KIRREL3: variants seen among roughly 807,000 people sequenced by gnomAD.
The protein encoded by KIRREL3 is kirre like nephrin family adhesion molecule 3.
In KIRREL3, 36 loss-of-function variants were observed where a neutral mutation model predicts 89.7. The observed-to-expected ratio is 0.40, with a 90% CI of 0.31 to 0.53. The LOEUF is 0.53. Ranked by LOEUF, KIRREL3 falls within the 20% of genes least tolerant of loss-of-function variation. KIRREL3 has a pLI of 0.49. For missense variants in KIRREL3, 864 were observed against 1,056.6 expected, an observed-to-expected ratio of 0.82 and a Z score of 2.53; for synonymous variants, 445 against 441.4, an observed-to-expected ratio of 1.01 and a Z score of -0.10.
intron 1 of KIRREL3, among the ~76,000 whole-genome samples, chr11:126,581,954 C>G (rs55895410): frequency 0.2 from 30,534 of 152,138 alleles, 3,865 homozygotes; most frequent in South Asian, 0.41. Context: ...CCTAGTTACA[C>G]AAGGGCATGT....
intron 1 of KIRREL3, among the ~76,000 whole-genome samples, chr11:126,923,248 T>C (rs868458415): frequency 2.2e-4 from 14 of 64,622 alleles, no homozygotes; most frequent in Non-Finnish European, 3.0e-4. Flanking sequence ...TTCTTCTTCT[T>C]CTTCTTCTTC....
Position 126,990,426 on chromosome 11 carries a change from C to G in KIRREL3, c.55+10029G>C, listed in dbSNP as rs1432556804. ...CACCACCCAGAGGCGAGGAGGAGAG[C>G]CCCCCATCCCTCCCGTCCCTTCCCA... On this transcript the variant is annotated intron_variant, in intron 1 of 16. Coordinates refer to ENST00000525144, the MANE Select transcript of KIRREL3 (RefSeq NM_032531.4). The surrounding 1 kb of genome is among the most constrained non-coding windows in gnomAD (Gnocchi z 6.3). Among the ~76,000 whole-genome samples, 1 of 150,322 alleles carries G rather than the reference C, an allele frequency of 6.7e-6. No homozygotes were observed. Among genetic ancestry groups the G allele is most frequent in the African/African-American group, 2.5e-5 (1 of 40,150 alleles).
At chr11:126,559,214 G>T (rs1163226521) in intron 2 of KIRREL3, among the ~76,000 whole-genome samples, 2 of 152,192 alleles carry the variant, frequency 1.3e-5, no homozygotes, top group Admixed American at 1.3e-4. Context: ...ACCCAAAACA[G>T]GGAGACCATT....
At chr11:126,886,060 C>T (rs1945683615) in intron 1 of KIRREL3, among the ~76,000 whole-genome samples, 1 of 152,200 alleles carries the variant, frequency 6.6e-6, no homozygotes, top group Non-Finnish European at 1.5e-5. Context: ...CTCTTTTCCA[C>T]TCTTTTCTCT....
In KIRREL3 at chr11:126,563,203, C is replaced by T. The variant is rs1366833579; in HGVS notation, c.56-291G>A. On this transcript the variant is annotated intron_variant, in intron 1 of 16. Coordinates refer to ENST00000525144, the MANE Select transcript of KIRREL3 (RefSeq NM_032531.4). This position sits in a 1 kb window ranked among gnomAD's most constrained non-coding sequence, Gnocchi z 6.8. ...TGAAAGAGCTAGCAGGTGGTAAAGC[C>T]AGAGCTTTGAACCTAGGCAGTCTGG... Among the ~76,000 whole-genome samples the T allele has an allele frequency of 2.6e-5, 4 of 152,128 alleles. No homozygotes were observed. The highest frequency in any genetic ancestry group is 9.7e-5 in the African/African-American group (4 of 41,412).
rs1257653395 is a variant in KIRREL3, at chr11:126,811,778, G to A, written c.55+188677C>T. 6.6e-6 allele frequency among the ~76,000 whole-genome samples: 1 copy of A among 152,060 alleles called. No homozygotes were observed. The highest frequency in any genetic ancestry group is 1.5e-5 in the Non-Finnish European group (1 of 68,008). ...ATTTTTGTACCTTTAGTAGAGATGG[G>A]GTTGCACTATATTGGCCAGGCTAGT... is the stretch of plus-strand genomic sequence containing the variant. On this transcript the variant is annotated intron_variant, in intron 1 of 16. Coordinates refer to ENST00000525144, the MANE Select transcript of KIRREL3 (RefSeq NM_032531.4). The surrounding 1 kb of genome is among the most constrained non-coding windows in gnomAD (Gnocchi z 4.3).
At chr11:126,925,995 G>T (rs1694012851) in intron 1 of KIRREL3, among the ~76,000 whole-genome samples, 1 of 152,206 alleles carries the variant, frequency 6.6e-6, no homozygotes, top group Non-Finnish European at 1.5e-5. Flanking sequence ...CAGTGACTCA[G>T]TCATGGGCAG....
At chr11:126,626,315 T>C (rs1300843484) in intron 1 of KIRREL3, among the ~76,000 whole-genome samples, 1 of 152,220 alleles carries the variant, frequency 6.6e-6, no homozygotes, top group Non-Finnish European at 1.5e-5. Context: ...CAAACATGTA[T>C]TCCCTTGGGA....
chr11:126,848,845 A>G (rs1944238684), intron 1 of KIRREL3, among the ~76,000 whole-genome samples: 1 of 152,186 alleles, frequency 6.6e-6, no homozygotes, highest in Non-Finnish European at 1.5e-5. Flanking sequence ...CCCTAAATAC[A>G]AGAGACCTTC....
chr11:126,481,589 TG>T (rs1281157792), intron 4 of KIRREL3, among the ~76,000 whole-genome samples: 1 of 152,238 alleles, frequency 6.6e-6, no homozygotes, highest in African/African-American at 2.4e-5. Flanking sequence ...GTCAGAAATC[TG>T]GGGGTCTTTC....
chr11:126,695,321 G>A (rs998536082), intron 1 of KIRREL3, among the ~76,000 whole-genome samples: 15 of 144,204 alleles, frequency 1.0e-4, no homozygotes, highest in African/African-American at 3.9e-4. Flanking sequence ...CTGCAATCAG[G>A]TTTCCCAATT....
rs1947475493 is a variant in KIRREL3, at chr11:126,923,198, CTTCTTCTTCTTCTTCTTCTTCT to C, written c.55+77235_55+77256del. Among the ~76,000 whole-genome samples the C allele has an allele frequency of 5.8e-3, 42 of 7,246 alleles. 4 individuals are homozygous for C. The highest frequency in any genetic ancestry group is 9.2e-3 in the Non-Finnish European group (38 of 4,138). 4.8% of individuals were successfully genotyped at this position (7,246 alleles called of 152,430 possible). ...CTTCTCTTCTTCTTCTCTTCTTCTT[CTTCTTCTTCTTCTTCTTCTTCT>C]TCTTCTTCTTCTTCTTCTTCTTCTT... is the stretch of plus-strand genomic sequence containing the variant. On this transcript the variant is annotated intron_variant, in intron 1 of 16. Transcript: ENST00000525144.
In KIRREL3 at chr11:126,544,750, C is replaced by T. The variant is rs145840173; in HGVS notation, c.134-18063G>A. 6.9e-4 allele frequency among the ~76,000 whole-genome samples: 105 copies of T among 152,238 alleles called. 1 individual carries two copies. Among genetic ancestry groups the T allele is most frequent in the African/African-American group, 2.4e-3 (98 of 41,542 alleles). On this transcript the variant is annotated intron_variant, in intron 2 of 16. Coordinates refer to ENST00000525144, the MANE Select transcript of KIRREL3 (RefSeq NM_032531.4). The surrounding 1 kb of genome is among the most constrained non-coding windows in gnomAD (Gnocchi z 5.6). ...CCTTGGTTGGCAGCATCAAGATAAT[C>T]GCCTAAGCCCTTTCTTCTCTTGCAA...
In KIRREL3 at chr11:126,531,581, C is replaced by T. The variant is rs1958945758; in HGVS notation, c.134-4894G>A. 7.3e-6 allele frequency among the ~76,000 whole-genome samples: 1 copy of T among 137,664 alleles called. No homozygotes were observed. The allele number at this position is 137,664 out of a possible 152,430, so 90.3% of individuals were successfully genotyped here. A position where few individuals can be genotyped will look rare whatever the true frequency, so the allele number is the denominator to read the frequency against. On this transcript the variant is annotated intron_variant, in intron 2 of 16. Transcript: ENST00000525144. This position sits in a 1 kb window ranked among gnomAD's most constrained non-coding sequence, Gnocchi z 4.7. Reference sequence around the variant, plus strand: ...CCACCCAAGGCTCCCCCACCCAAGGCCCCCCCTAAGCAACCCCACCTATCA... The same window carrying T: ...CCACCCAAGGCTCCCCCACCCAAGGTCCCCCCTAAGCAACCCCACCTATCA...
chr11:126,767,249 T>C (rs1949852862), intron 1 of KIRREL3, among the ~76,000 whole-genome samples: 1 of 152,198 alleles, frequency 6.6e-6, no homozygotes, highest in Non-Finnish European at 1.5e-5. Flanking sequence ...GAGGAGCTCT[T>C]GGAAAGGCGG....
At position 126,530,735 on chromosome 11, in the gene KIRREL3, G is replaced by T. The variant is rs1958916282; in HGVS notation, c.134-4048C>A. ...ACCCAGCACCTTCCACCGGCCCAGGGTTTCCATCTTCTCCGCTTCGCATTT... is the reference window on the plus strand; with the variant it reads ...ACCCAGCACCTTCCACCGGCCCAGGTTTTCCATCTTCTCCGCTTCGCATTT... On this transcript the variant is annotated intron_variant, in intron 2 of 16. Coordinates refer to ENST00000525144, the MANE Select transcript of KIRREL3 (RefSeq NM_032531.4). This position sits in a 1 kb window ranked among gnomAD's most constrained non-coding sequence, Gnocchi z 5.8. 6.6e-6 allele frequency among the ~76,000 whole-genome samples: 1 copy of T among 152,182 alleles called. No individual in the cohort carries two copies. The highest frequency in any genetic ancestry group is 2.4e-5 in the African/African-American group (1 of 41,444).
At chr11:126,875,553 T>C (rs1019597152) in intron 1 of KIRREL3, among the ~76,000 whole-genome samples, 2 of 152,174 alleles carry the variant, frequency 1.3e-5, no homozygotes, top group Non-Finnish European at 2.9e-5. Context: ...ACATTAGAGG[T>C]GAGCAAGGCA....
rs1018623400 is a variant in KIRREL3, at chr11:126,764,500, G to A, written c.56-201588C>T. Among the ~76,000 whole-genome samples the A allele has an allele frequency of 6.6e-6, 1 of 152,064 alleles. No homozygotes were observed. Among genetic ancestry groups the A allele is most frequent in the Non-Finnish European group, 1.5e-5 (1 of 68,012 alleles). ...GCAGTGAGGATCTTTCATCATATGC[G>A]CCTCTGATGCTCAACAACCTTCTTT... On this transcript the variant is annotated intron_variant, in intron 1 of 16. Transcript: ENST00000525144. This position sits in a 1 kb window ranked among gnomAD's most constrained non-coding sequence, Gnocchi z 4.2.
At chr11:126,540,892 T>A (rs1251921215) in intron 2 of KIRREL3, among the ~76,000 whole-genome samples, 1 of 152,214 alleles carries the variant, frequency 6.6e-6, no homozygotes, top group Non-Finnish European at 1.5e-5. Context: ...CTTTCTTCTC[T>A]GAGTCTCAGG....
Sources: gnomAD v4.1 joint callset for allele counts (sites outside exome capture counted in the v4.1 genomes callset) on GRCh38, gnomAD v4.1.1 for gene constraint, Gnocchi (gnomAD v3.1) non-coding constraint, MANE v1.5 for transcripts, NCBI Gene and HGNC (gene_info 2026-07-23, HGNC 2026-07-21) for gene names.